The following COL6A1 variants were observed in gnomAD, a reference collection of about 807,000 sequenced individuals.
COL6A1 encodes collagen type VI alpha 1 chain.
A neutral mutation model predicts 145.6 loss-of-function variants in COL6A1; 80 were observed. That is an observed-to-expected ratio of 0.55 (90% CI 0.46 to 0.66). The LOEUF is 0.66. Among genes scored for constraint, COL6A1 ranks in the 30% least tolerant of loss-of-function variants. The pLI is 0.00. For missense variants in COL6A1, 1,364 were observed against 1,473.8 expected (o/e 0.93, Z 1.22); for synonymous variants, 638 against 622.8 (o/e 1.02, Z -0.36).
At chr21:45,991,439 C>T (rs1047334627) in intron 15 of COL6A1, among the ~76,000 whole-genome samples, 4 of 119,006 alleles carry the variant, frequency 3.4e-5, no homozygotes, top group Middle Eastern at 3.5e-3. Context: ...GGGTGGTGAG[C>T]GGGGGCGGGA....
chr21:45,995,530 G>T (rs1167384839), intron 20 of COL6A1, among the ~76,000 whole-genome samples: 1 of 152,256 alleles, frequency 6.6e-6, no homozygotes, highest in African/African-American at 2.4e-5. Context: ...CTTGCTCGGA[G>T]AATTCTAACC....
intron 28 of COL6A1, 125 bp from the exon 29 acceptor site, chr21:46,000,634 A>AG (rs1382520295): frequency 7.4e-7 from 1 of 1,344,046 alleles, no homozygotes; most frequent in South Asian, 1.2e-5. Flanking sequence ...AGGCCGGGGA[A>AG]GGGGGGAGGC....
chr21:45,998,498 A>G (rs1361650654), intron 24 of COL6A1, 65 bp downstream of exon 24: 9 of 1,601,338 alleles, frequency 5.6e-6, no homozygotes, highest in Non-Finnish European at 7.7e-6. Flanking sequence ...AGGGACACGC[A>G]CGTGTGAACA....
Position 46,002,316 on chromosome 21 carries a change from G to C in COL6A1, c.2165G>C (p.Arg722Pro). ...DQLLPPSPNNRIALVITDGRS... is the reference protein window; with the variant it reads ...DQLLPPSPNNPIALVITDGRS... ...CTGCTGCCGCCCAGCCCGAACAACC[G>C]CATCGCCCTGGTCATCACTGACGGG... Residue 722 changes from arginine (R) to proline (P), a missense_variant, in exon 32 of 35, where the codon CGC becomes CCC. Arg to Pro is a moderately radical substitution (Grantham distance 103). This residue lies in a region of COL6A1 where 938 missense variants were observed against 1,003.8 expected (regional missense o/e 0.93). Transcript: ENST00000361866. 1 of 1,592,186 alleles carries C rather than the reference G, an allele frequency of 6.3e-7. No homozygotes were observed. The highest frequency in any genetic ancestry group is 1.1e-5 in the South Asian group (1 of 88,554).
At chr21:45,983,659 G>GC (rs1381933412) in intron 2 of COL6A1, among the ~76,000 whole-genome samples, 1 of 102,662 alleles carries the variant, frequency 9.7e-6, no homozygotes, top group Non-Finnish European at 1.8e-5. Context: ...GGCAGTGTTT[G>GC]GGGGGGGGTC....
chr21:45,990,229 C>T (rs760112378), intron 11 of COL6A1, 29 bp from the exon 12 acceptor site: 1 of 1,612,768 alleles, frequency 6.2e-7, no homozygotes, highest in South Asian at 1.1e-5. Flanking sequence ...CCCCAAATAC[C>T]CCCTCACACC....
At chr21:45,999,359 G>A in intron 26 of COL6A1, 141 bp downstream of exon 26, 1 of 902,074 alleles carries the variant, frequency 1.1e-6, no homozygotes, top group Non-Finnish European at 1.7e-6. Flanking sequence ...GGGAGGCCCT[G>A]GGGGTGGGAG....
chr21:46,003,528 G>A lies in COL6A1; in HGVS notation c.2602G>A (p.Ala868Thr), dbSNP rs574295337. The A allele has an allele frequency of 1.4e-5, 22 of 1,611,676 alleles. 1 individual carries two copies. In the East Asian group the frequency reaches 1.6e-4, roughly 11 times the overall value. ...RFLTAGRTDP[A>T]HDVRVAVVQY... is the part of the protein sequence containing the mutation. ...CCTCACAGCGGGCAGGACGGACCCC[G>A]CCCACGACGTGCGGGTGGCGGTGGT... The change falls in exon 35 of 35, where the codon GCC (alanine) becomes ACC (threonine). Residue 868 changes from alanine to threonine, a missense_variant. Around this residue, in one of 3 missense-constraint regions of COL6A1, gnomAD observed 938 missense variants for 1,003.8 expected, o/e 0.93. Transcript: ENST00000361866.
chr21:45,981,907 G>A lies in COL6A1; in HGVS notation c.57G>A (p.Ala19=), dbSNP rs1172820789. Residue 19 remains alanine (A), a synonymous_variant, in exon 1 of 35, where the codon GCG becomes GCA. Transcript: ENST00000361866. ...TGCTGCAGGCCTGCTGGACAGCCGC[G>A]CAGGATGAGCCGGAGACCCCGAGGG... ...PLLLQACWTA[A]QDEPETPRAV... 6 of 1,606,810 alleles carry A rather than the reference G, an allele frequency of 3.7e-6. No individual in the cohort carries two copies. The Admixed American group carries it at 5.0e-5, about 13-fold the overall frequency.
At chr21:45,999,787 GCT>G in intron 27 of COL6A1, 95 bp downstream of exon 27, 16 of 945,112 alleles carry the variant, frequency 1.7e-5, no homozygotes, top group Non-Finnish European at 2.2e-5. Context: ...TGTAGACGCT[GCT>G]CACGGGGGGG....
chr21:46,001,195 A>G (rs2077842623), intron 29 of COL6A1, 58 bp from the exon 30 acceptor site: 2 of 1,577,812 alleles, frequency 1.3e-6, no homozygotes. Context: ...GGTGGAGGGG[A>G]GGGGCCAGGG....
In COL6A1 at chr21:46,002,025, T is replaced by G. The variant is rs1255698056; in HGVS notation, c.2021T>G (p.Val674Gly). The G allele has an allele frequency of 1.2e-6, 2 of 1,612,622 alleles. No homozygotes were observed. Among genetic ancestry groups the G allele is most frequent in the Admixed American group, 1.7e-5 (1 of 60,014 alleles). The change falls in exon 31 of 35, where the codon GTG becomes GGG. Residue 674 changes from valine to glycine, a missense_variant. Val to Gly is a moderately radical substitution (Grantham distance 109). Around this residue, in one of 3 missense-constraint regions of COL6A1, gnomAD observed 938 missense variants for 1,003.8 expected, o/e 0.93. Transcript: ENST00000361866. Reference protein sequence around the residue: ...QYSHSQMQEHVSLRSPSIRNV... With the variant: ...QYSHSQMQEHGSLRSPSIRNV... Reference sequence around the variant, plus strand: ...AGCCACAGCCAGATGCAGGAGCACGTGAGCCTGCGCAGCCCCAGCATCCGG... The same window carrying G: ...AGCCACAGCCAGATGCAGGAGCACGGGAGCCTGCGCAGCCCCAGCATCCGG...
chr21:45,999,979 AGGG>A (rs1451750846), intron 27 of COL6A1, among the ~76,000 whole-genome samples: 1 of 1,142 alleles, frequency 8.8e-4, no homozygotes. Context: ...AGGATCATGG[AGGG>A]GGACATGTGA....
At chr21:45,987,793 GGT>G in intron 8 of COL6A1, 139 bp downstream of exon 8, 2 of 484,554 alleles carry the variant, frequency 4.1e-6, no homozygotes, top group South Asian at 5.4e-5. Flanking sequence ...GGACGGCGGG[GGT>G]CCAGATGGAG....
At chr21:45,986,870 CTGGCCCTGTGGGAA>C in intron 4 of COL6A1, 60 bp from the exon 5 acceptor site, 1 of 1,533,330 alleles carries the variant, frequency 6.5e-7, no homozygotes, top group Non-Finnish European at 8.7e-7. Flanking sequence ...AGCCTCCCCT[CTGGCCCTGTGGGAA>C]GCGGCCCCGG....
At chr21:45,987,740 C>T (rs1441087909) in intron 8 of COL6A1, 86 bp downstream of exon 8, 3 of 1,461,110 alleles carry the variant, frequency 2.1e-6, no homozygotes, top group East Asian at 4.6e-5. Flanking sequence ...CACCCAAGTC[C>T]ACCATGAGGA....
At chr21:45,996,068 C>G (rs896414618) in intron 20 of COL6A1, among the ~76,000 whole-genome samples, 1 of 152,218 alleles carries the variant, frequency 6.6e-6, no homozygotes, top group African/African-American at 2.4e-5. Context: ...CCAGGAGGTG[C>G]CCCCAGTGAG....
intron 33 of COL6A1, 86 bp downstream of exon 33, chr21:46,002,796 C>CGTGGGGGT (rs1461149832): frequency 7.0e-7 from 1 of 1,436,374 alleles, no homozygotes; most frequent in Non-Finnish European, 9.5e-7. Context: ...CGTAGGTGCA[C>CGTGGGGGT]GCGGGGCCGC....
intron 15 of COL6A1, 56 bp downstream of exon 15, chr21:45,991,097 A>T (rs774659869): frequency 2.0e-5 from 31 of 1,580,844 alleles, no homozygotes; most frequent in Non-Finnish European, 2.5e-5. Context: ...CCAAGCGCTG[A>T]ATTGGAAACC....
Sources: allele counts gnomAD v4.1 joint callset (sites outside exome capture counted in the v4.1 genomes callset), GRCh38; gene constraint gnomAD v4.1.1; regional missense constraint gnomAD v4.1.1; transcripts MANE v1.5; gene names NCBI Gene and HGNC (gene_info 2026-07-23, HGNC 2026-07-21).